Variants in PRKG1 observed in about 807,000 individuals in gnomAD.
The protein encoded by PRKG1 is cGMP-dependent protein kinase 1.
Under a neutral mutation model 88.1 loss-of-function variants are expected in PRKG1, and 35 were observed. The ratio of observed to expected loss-of-function variants is 0.40; its 90% CI spans 0.30 to 0.53. The LOEUF (loss-of-function observed/expected upper bound fraction) is 0.53, where lower values mean the gene tolerates loss of function less well. Ranked by LOEUF, PRKG1 falls within the 20% of genes least tolerant of loss-of-function variation. The pLI, the probability that PRKG1 is intolerant of heterozygous loss-of-function variation, is 0.59. For synonymous variants in PRKG1, 303 were observed against 292.5 expected, an observed-to-expected ratio of 1.04 and a Z score of -0.37; for missense variants, 540 against 839.8, an observed-to-expected ratio of 0.64 and a Z score of 4.41.
At chr10:52,155,184 A>T (rs80242888) in intron 8 of PRKG1, among the ~76,000 whole-genome samples, 1 of 26,490 alleles carries the variant, frequency 3.8e-5, no homozygotes, top group South Asian at 6.8e-3. Context: ...CTGAAATCCC[A>T]GTACTACTTT....
intron 3 of PRKG1, among the ~76,000 whole-genome samples, chr10:51,505,575 A>C (rs1841173931): frequency 6.6e-6 from 1 of 152,136 alleles, no homozygotes; most frequent in African/African-American, 2.4e-5. Flanking sequence ...CCTCTGGTAG[A>C]ATTCGGCTAT....
chr10:51,232,943 A>G (rs145914931), intron 2 of PRKG1, among the ~76,000 whole-genome samples: 2 of 152,356 alleles, frequency 1.3e-5, no homozygotes, highest in East Asian at 3.9e-4. Flanking sequence ...CAACAGAGGT[A>G]AAGCAGATTA....
intron 8 of PRKG1, among the ~76,000 whole-genome samples, chr10:52,139,017 G>A (rs1837502365): frequency 6.6e-6 from 1 of 152,092 alleles, no homozygotes; most frequent in African/African-American, 2.4e-5. Context: ...CGTCACTGGA[G>A]TTGGCAAACT....
intron 2 of PRKG1, among the ~76,000 whole-genome samples, chr10:51,256,117 T>C (rs1196175224): frequency 6.6e-6 from 1 of 152,144 alleles, no homozygotes; most frequent in Admixed American, 6.6e-5. Context: ...GTGTCTTCAG[T>C]TGAAAAACAG....
chr10:51,283,800 T>C (rs1840363596), intron 2 of PRKG1, among the ~76,000 whole-genome samples: 1 of 152,204 alleles, frequency 6.6e-6, no homozygotes, highest in Non-Finnish European at 1.5e-5. Flanking sequence ...TAAAACTGAT[T>C]TACCACACTC....
At chr10:51,627,976 C>CTCTT (rs1564579709) in intron 3 of PRKG1, among the ~76,000 whole-genome samples, 13 of 22,130 alleles carry the variant, frequency 5.9e-4, no homozygotes, top group African/African-American at 1.9e-3. Context: ...CTTTCTCTTT[C>CTCTT]TTTCTTTCTT....
At chr10:52,289,714 A>G (rs7101052) in intron 16 of PRKG1, among the ~76,000 whole-genome samples, 7,253 of 152,226 alleles carry the variant, frequency 0.048, 262 homozygotes, top group South Asian at 0.19. Context: ...CTGTACACAA[A>G]ATATCTTTAT....
At chr10:51,810,404 A>G (rs1010856790) in intron 4 of PRKG1, among the ~76,000 whole-genome samples, 1 of 152,104 alleles carries the variant, frequency 6.6e-6, no homozygotes, top group African/African-American at 2.4e-5. Context: ...ATGTCCCTCT[A>G]TGGGGGCCTT....
At chr10:51,881,156 A>G (rs1366185165) in intron 4 of PRKG1, among the ~76,000 whole-genome samples, 1 of 152,004 alleles carries the variant, frequency 6.6e-6, no homozygotes, top group Non-Finnish European at 1.5e-5. Context: ...CAGAGTGACT[A>G]GAGTAGTGCG....
At chr10:51,011,494 A>C (rs116396822) in intron 1 of PRKG1, among the ~76,000 whole-genome samples, 130 of 152,350 alleles carry the variant, frequency 8.5e-4, no homozygotes, top group African/African-American at 3.0e-3. Flanking sequence ...CTTCATACTT[A>C]GAAGTAACCT....
intron 2 of PRKG1, among the ~76,000 whole-genome samples, chr10:51,335,553 A>G (rs1034094234): frequency 8.6e-5 from 13 of 151,382 alleles, no homozygotes; most frequent in Admixed American, 5.9e-4. Context: ...TTTTTTTGAG[A>G]TAAAGTCTTG....
chr10:51,210,203 T>C (rs979873786), intron 2 of PRKG1, among the ~76,000 whole-genome samples: 10 of 152,076 alleles, frequency 6.6e-5, no homozygotes, highest in African/African-American at 2.4e-4. Context: ...AACAACCTGC[T>C]CCTGAATGAC....
At chr10:51,033,932 T>A (rs1352622672) in intron 1 of PRKG1, among the ~76,000 whole-genome samples, 1 of 152,214 alleles carries the variant, frequency 6.6e-6, no homozygotes, top group Non-Finnish European at 1.5e-5. Context: ...AAGATTTAAA[T>A]CTTCTGAGGG....
chr10:52,142,735 G>A (rs1837616159), intron 8 of PRKG1, among the ~76,000 whole-genome samples: 2 of 152,078 alleles, frequency 1.3e-5, no homozygotes, highest in African/African-American at 4.8e-5. Flanking sequence ...AAAAACATGT[G>A]GGCCCTTACT....
chr10:51,491,032 T>C (rs369015998), intron 3 of PRKG1, among the ~76,000 whole-genome samples: 3 of 152,004 alleles, frequency 2.0e-5, no homozygotes, highest in African/African-American at 7.2e-5. Context: ...TCCTTCTAGG[T>C]GATTTCATAG....
chr10:51,669,930 T>G (rs1290219690), intron 3 of PRKG1, among the ~76,000 whole-genome samples: 1 of 152,212 alleles, frequency 6.6e-6, no homozygotes, highest in African/African-American at 2.4e-5. Flanking sequence ...ATACATATTT[T>G]CCTTACTTGA....
Position 51,784,197 on chromosome 10 carries a change from T to C in PRKG1, c.593-20388T>C, listed in dbSNP as rs191546006. The stretch of plus-strand genomic sequence containing the variant: ...TTCCTCAGCGGCCCTGCAGAGTCTC[T>C]TAGTTGTGTTCTAATAAAGATTAAA... On this transcript the variant is annotated intron_variant, in intron 3 of 17. Transcript: ENST00000373980. Among the ~76,000 whole-genome samples the C allele has an allele frequency of 3.2e-3, 492 of 152,184 alleles. 1 individual carries two copies. Among genetic ancestry groups the C allele is most frequent in the Middle Eastern group, 0.01 (3 of 294 alleles).
intron 7 of PRKG1, among the ~76,000 whole-genome samples, chr10:52,100,392 T>A (rs1386423939): frequency 6.6e-6 from 1 of 152,228 alleles, no homozygotes; most frequent in Non-Finnish European, 1.5e-5. Flanking sequence ...CAGTGATGAA[T>A]GATGTTAATT....
intron 9 of PRKG1, among the ~76,000 whole-genome samples, chr10:52,221,367 G>A (rs1273607477): frequency 2.0e-5 from 3 of 152,096 alleles, no homozygotes; most frequent in Non-Finnish European, 1.5e-5. Flanking sequence ...AAAATTTAAT[G>A]TAGAAAATGA....
Sources: gnomAD v4.1 joint callset for allele counts (sites outside exome capture counted in the v4.1 genomes callset) on GRCh38, gnomAD v4.1.1 for gene constraint, MANE v1.5 for transcripts, NCBI Gene and HGNC (gene_info 2026-07-23, HGNC 2026-07-21) for gene names.